RNF141: variants seen among roughly 807,000 people sequenced by gnomAD.
The protein encoded by RNF141 is ring finger protein 141.
A neutral mutation model predicts 27.4 loss-of-function variants in RNF141; 18 were observed. The observed-to-expected ratio is 0.66, with a 90% confidence interval of 0.45 to 0.97. The LOEUF is 0.97. Among genes scored for constraint, RNF141 ranks in the 50% least tolerant of loss-of-function variants. RNF141 has a pLI of 0.00. For missense variants in RNF141, 230 were observed against 279.4 expected (o/e 0.82, Z 1.26); for synonymous variants, 97 against 96.6 (o/e 1.00, Z -0.02).
intron 2 of RNF141, among the ~76,000 whole-genome samples, chr11:10,532,496 T>TACACACAC (rs10559393): frequency 1.4e-3 from 178 of 131,252 alleles, no homozygotes; most frequent in African/African-American, 1.6e-3. Flanking sequence ...GTTCATTTTC[T>TACACACAC]ACACACACAC....
chr11:10,538,865 T>C (rs1277616552), intron 1 of RNF141, among the ~76,000 whole-genome samples: 1 of 152,040 alleles, frequency 6.6e-6, no homozygotes, highest in African/African-American at 2.4e-5. Context: ...AACAAGATAC[T>C]CCCCCCTAGG....
At chr11:10,524,806 C>CATTTTT (rs372794064) in intron 4 of RNF141, among the ~76,000 whole-genome samples, 1,860 of 152,262 alleles carry the variant, frequency 0.012, 17 homozygotes, top group Non-Finnish European at 0.018. Context: ...TTCAATTAGA[C>CATTTTT]ATTTTTTAAA....
chr11:10,517,117 T>C (rs1231127821), intron 5 of RNF141: 1 of 152,048 alleles, frequency 6.6e-6, no homozygotes, highest in Non-Finnish European at 1.5e-5. Context: ...AAAGTTATTA[T>C]AGCTATATTC....
At chr11:10,540,410 C>A (rs17403175) in intron 1 of RNF141, among the ~76,000 whole-genome samples, 14,005 of 152,210 alleles carry the variant, frequency 0.092, 805 homozygotes, top group Admixed American at 0.14. Flanking sequence ...CATTTTGTAA[C>A]GCCGAGACAA....
intron 4 of RNF141, among the ~76,000 whole-genome samples, chr11:10,522,522 CAGAGA>C (rs1483618164): frequency 1.3e-5 from 2 of 152,262 alleles, no homozygotes; most frequent in Non-Finnish European, 2.9e-5. Context: ...CACATACTGA[CAGAGA>C]AAAGACCATC....
rs1359169909 is a variant in RNF141, at chr11:10,534,031, G to A, written c.128C>T (p.Ala43Val). The change falls in exon 2 of 6, where the codon GCT (alanine) becomes GTT (valine). Residue 43 changes from alanine to valine, a missense_variant. Transcript: ENST00000265981. ...CAAGCCTTACACATCATTAAGCTCAGCTACTCTCCCAAGAAATTCTTCATA... is the reference window on the plus strand; with the variant it reads ...CAAGCCTTACACATCATTAAGCTCAACTACTCTCCCAAGAAATTCTTCATA... ...LTYEEFLGRVAELNDVTAKVA... is the reference protein window; with the variant it reads ...LTYEEFLGRVVELNDVTAKVA... The A allele has an allele frequency of 6.2e-7, 1 of 1,613,180 alleles. No homozygotes were observed. The highest frequency in any genetic ancestry group is 1.3e-5 in the African/African-American group (1 of 74,878).
At position 10,513,468 on chromosome 11, in the gene RNF141, G is replaced by A. The variant is rs1849818756; in HGVS notation, c.*1448C>T. 2.6e-5 allele frequency: 4 copies of A among 151,992 alleles called. No individual in the cohort carries two copies. Among genetic ancestry groups the A allele is most frequent in the Admixed American group, 6.6e-5 (1 of 15,240 alleles). The allele number at this position is 151,992 out of a possible 1,614,324, so 9.4% of individuals were successfully genotyped here. A position where few individuals can be genotyped will look rare whatever the true frequency, so the allele number is the denominator to read the frequency against. ...ATAGGCCCTTGTTTTATTACATGCCGAAATGTTAATGTTAGAAATTTTAGT... is the reference window on the plus strand; with the variant it reads ...ATAGGCCCTTGTTTTATTACATGCCAAAATGTTAATGTTAGAAATTTTAGT... On this transcript the variant is annotated 3_prime_UTR_variant, in exon 6 of 6. Transcript: ENST00000265981.
At position 10,519,024 on chromosome 11, in the gene RNF141, G is replaced by C. The variant is rs1187146936; in HGVS notation, c.542+10C>G. 2 of 1,609,846 alleles carry C rather than the reference G, an allele frequency of 1.2e-6. No homozygotes were observed. The highest frequency in any genetic ancestry group is 2.7e-5 in the African/African-American group (2 of 74,830). On this transcript the variant is annotated intron_variant, in intron 5 of 5. Coordinates refer to ENST00000265981, the MANE Select transcript of RNF141 (RefSeq NM_016422.4). ...CTTGGCCCAGCCCATGAATGCAGTA[G>C]GTAACTTACCATTTATCAATACACT...
At chr11:10,532,564 T>G (rs1849998440) in intron 2 of RNF141, among the ~76,000 whole-genome samples, 1 of 151,660 alleles carries the variant, frequency 6.6e-6, no homozygotes. Context: ...AGCTTTTTGT[T>G]TTATATTGTT....
At chr11:10,526,633 A>G (rs1849938222) in intron 3 of RNF141, among the ~76,000 whole-genome samples, 1 of 152,114 alleles carries the variant, frequency 6.6e-6, no homozygotes, top group African/African-American at 2.4e-5. Flanking sequence ...AGTACAAAAA[A>G]TTAGCTGAGC....
At chr11:10,540,628 A>G (rs573917248) in intron 1 of RNF141, 2 of 152,350 alleles carry the variant, frequency 1.3e-5, no homozygotes, top group African/African-American at 4.8e-5. Context: ...CGACGTGGCT[A>G]TTTCTGAGCT....
In RNF141 at chr11:10,524,108, G is replaced by C. The variant is rs115416835; in HGVS notation, c.434+1084C>G. ...GAACCAGAAAATGCAACTGTAAATA[G>C]AGCAGTAAAAAAAAAGAAACCACTG... On this transcript the variant is annotated intron_variant, in intron 4 of 5. Coordinates refer to ENST00000265981, the MANE Select transcript of RNF141 (RefSeq NM_016422.4). Among the ~76,000 whole-genome samples the C allele has an allele frequency of 8.8e-3, 1,337 of 152,188 alleles. 17 individuals are homozygous for C. The highest frequency in any genetic ancestry group is 0.031 in the African/African-American group (1,278 of 41,530).
chr11:10,531,404 T>C (rs1299890296), intron 2 of RNF141, among the ~76,000 whole-genome samples: 6 of 151,158 alleles, frequency 4.0e-5, no homozygotes, highest in South Asian at 4.2e-4. Flanking sequence ...GCTAGTGTCA[T>C]TTATCAAAAT....
chr11:10,515,142 C>T (rs1849833638), intron 5 of RNF141, 76 bp from the exon 6 acceptor site: 1 of 1,435,490 alleles, frequency 7.0e-7, no homozygotes, highest in Non-Finnish European at 9.4e-7. Flanking sequence ...GTAATACATG[C>T]ACATGGCTTT....
chr11:10,528,079 T>C (rs1849954205), intron 3 of RNF141, among the ~76,000 whole-genome samples: 1 of 152,340 alleles, frequency 6.6e-6, no homozygotes, highest in African/African-American at 2.4e-5. Flanking sequence ...CCATAAAATA[T>C]TCCATTTAAA....
intron 4 of RNF141, 50 bp downstream of exon 4, chr11:10,525,142 T>A: frequency 7.3e-7 from 1 of 1,361,102 alleles, no homozygotes; most frequent in South Asian, 1.6e-5. Flanking sequence ...AGATTTCAGT[T>A]GTTTTCATAT....
chr11:10,515,170 A>G (rs986308850), intron 5 of RNF141, 104 bp from the exon 6 acceptor site: 6 of 1,267,502 alleles, frequency 4.7e-6, no homozygotes, highest in Non-Finnish European at 6.5e-6. Flanking sequence ...GAAATAGCAT[A>G]GAAATATATA....
chr11:10,533,964 G>A, intron 2 of RNF141, 52 bp downstream of exon 2: 1 of 1,544,826 alleles, frequency 6.5e-7, no homozygotes, highest in Non-Finnish European at 8.9e-7. Context: ...ATGACATATG[G>A]GGCATACATA....
rs1564864172 is a variant in RNF141, at chr11:10,513,082, C to T, written c.*1834G>A. On this transcript the variant is annotated 3_prime_UTR_variant, in exon 6 of 6. Coordinates refer to ENST00000265981, the MANE Select transcript of RNF141 (RefSeq NM_016422.4). ...CATAAACAAGAGTAAGAGACTTTCT[C>T]AAGGTCACACAACCACCAAGTGCAT... 1.3e-5 allele frequency: 2 copies of T among 152,180 alleles called. No homozygotes were observed. Among genetic ancestry groups the T allele is most frequent in the Non-Finnish European group, 2.9e-5 (2 of 68,028 alleles). 9.4% of individuals were successfully genotyped at this position (152,180 alleles called of 1,614,324 possible).
Sources: gnomAD v4.1 joint callset for allele counts (sites outside exome capture counted in the v4.1 genomes callset) on GRCh38, gnomAD v4.1.1 for gene constraint, MANE v1.5 for transcripts, NCBI Gene and HGNC (gene_info 2026-07-23, HGNC 2026-07-21) for gene names.